ZNF668: variants seen among roughly 807,000 people sequenced by gnomAD.
ZNF668 encodes the protein zinc finger protein 668.
A neutral mutation model predicts 40.3 loss-of-function variants in ZNF668; 10 were observed. The observed-to-expected ratio is 0.25, with a 90% CI of 0.15 to 0.42. ZNF668 has a LOEUF of 0.42. ZNF668 is among the 10% of genes least tolerant of loss of function. The pLI is 1.00. For synonymous variants in ZNF668, 428 were observed against 384.6 expected (o/e 1.11, Z -1.32); for missense variants, 749 against 904.6 (o/e 0.83, Z 2.21).
At chr16:31,070,759 C>T (rs1223673551) in intron 1 of ZNF668, among the ~76,000 whole-genome samples, 1 of 151,954 alleles carries the variant, frequency 6.6e-6, no homozygotes, top group East Asian at 1.9e-4. Flanking sequence ...CCAGGCTGGT[C>T]TCGAACTCCT....
Position 31,064,265 on chromosome 16 carries a change from C to T in ZNF668, c.195G>A (p.Lys65=). 1 of 1,613,780 alleles carries T rather than the reference C, an allele frequency of 6.2e-7. No individual in the cohort carries two copies. Among genetic ancestry groups the T allele is most frequent in the Non-Finnish European group, 8.5e-7 (1 of 1,180,028 alleles). The change falls in exon 2 of 3, where the codon AAG becomes AAA. Residue 65 remains lysine, a synonymous_variant. Coordinates refer to ENST00000300849, the MANE Select transcript of ZNF668 (RefSeq NM_024706.5). ...CCTTCTCCCCACTGGCTTCCTCTGC[C>T]TTAGCTTCTGTCTCTGGCTTTGGCT... ...EVKPKPETEA[K]AEEASGEKVS...
In ZNF668 at chr16:31,061,635, C is replaced by T. The variant is rs748415040; in HGVS notation, c.1293G>A (p.Gly431=). The part of the protein sequence containing the change: ...GVPPAQELVV[G]LALPVGVAGE... Reference sequence around the variant, plus strand: ...CTGCCACGCCCACAGGCAGCGCCAACCCCACCACCAGCTCCTGTGCAGGGG... The same window carrying T: ...CTGCCACGCCCACAGGCAGCGCCAATCCCACCACCAGCTCCTGTGCAGGGG... Residue 431 remains glycine, a synonymous_variant, in exon 3 of 3, where the codon GGG becomes GGA. Transcript: ENST00000300849. The surrounding 1 kb of genome is among the most constrained non-coding windows in gnomAD (Gnocchi z 7.7). 1.9e-6 allele frequency: 3 copies of T among 1,612,120 alleles called. No individual in the cohort carries two copies. The highest frequency in any genetic ancestry group is 2.2e-5 in the South Asian group (2 of 91,072).
intron 2 of ZNF668, 119 bp downstream of exon 2, chr16:31,063,694 T>G (rs993405826): frequency 8.4e-7 from 1 of 1,189,266 alleles, no homozygotes; most frequent in Non-Finnish European, 1.1e-6. Context: ...CCCTTGGATC[T>G]GCCATGCCCA....
At position 31,064,548 on chromosome 16, in the gene ZNF668, C is replaced by A. The variant is rs557440975; in HGVS notation, c.-22-67G>T. On this transcript the variant is annotated intron_variant, in intron 1 of 2. Coordinates refer to ENST00000300849, the MANE Select transcript of ZNF668 (RefSeq NM_024706.5). ...CCACTCCTGAAAGCCTCAGAGAGAA[C>A]CCTATCTCATCTGCATTTCTCACCT... 2,936 of 1,593,804 alleles carry A rather than the reference C, an allele frequency of 1.8e-3. 5 individuals carry two copies. The highest frequency in any genetic ancestry group is 2.2e-3 in the Non-Finnish European group (2,578 of 1,177,554).
At chr16:31,062,355 T>G in intron 2 of ZNF668, 75 bp from the exon 3 acceptor site, 1 of 1,504,256 alleles carries the variant, frequency 6.6e-7, no homozygotes, top group Non-Finnish European at 8.8e-7. Flanking sequence ...TGGGCTGTAC[T>G]TTAGGGGCTC....
In ZNF668 at chr16:31,061,873, T is replaced by C; in HGVS notation, c.1055A>G (p.Lys352Arg). Residue 352 changes from lysine (K) to arginine (R), a missense_variant, in exon 3 of 3, where the codon AAG becomes AGG. Transcript: ENST00000300849. The surrounding 1 kb of genome is among the most constrained non-coding windows in gnomAD (Gnocchi z 7.7). ...DKTFVASWDL[K>R]RHALVHSGQR... ...GCCAGAGTGCACCAGCGCGTGCCGC[T>C]TGAGGTCCCAGGACGCCACGAACGT... The C allele has an allele frequency of 1.2e-6, 2 of 1,612,866 alleles. No individual in the cohort carries two copies. The highest frequency in any genetic ancestry group is 2.2e-5 in the South Asian group (2 of 91,022).
At chr16:31,072,001 A>T (rs1161457000) in intron 1 of ZNF668, among the ~76,000 whole-genome samples, 1 of 152,226 alleles carries the variant, frequency 6.6e-6, no homozygotes, top group Admixed American at 6.5e-5. Flanking sequence ...AGGCTGAATG[A>T]CGTCATAAGG....
At chr16:31,071,667 T>G (rs1224753202) in intron 1 of ZNF668, among the ~76,000 whole-genome samples, 6 of 152,134 alleles carry the variant, frequency 3.9e-5, no homozygotes, top group Admixed American at 1.3e-4. Flanking sequence ...CTGCCGACAG[T>G]GGTCTCAAGA....
At position 31,061,605 on chromosome 16, in the gene ZNF668, C is replaced by A. The variant is rs1438214845; in HGVS notation, c.1323G>T (p.Glu441Asp). Residue 441 changes from glutamate to aspartate, a missense_variant, in exon 3 of 3, where the codon GAG becomes GAT. Glu to Asp is a conservative substitution (Grantham distance 45). Transcript: ENST00000300849. This position sits in a 1 kb window ranked among gnomAD's most constrained non-coding sequence, Gnocchi z 7.7. ...CCCCTGCTGCCGGGGCGGCTGAACTCTCACCTGCCACGCCCACAGGCAGCG... is the reference window on the plus strand; with the variant it reads ...CCCCTGCTGCCGGGGCGGCTGAACTATCACCTGCCACGCCCACAGGCAGCG... ...GLALPVGVAG[E>D]SSAAPAAGAG... The A allele has an allele frequency of 1.9e-6, 3 of 1,609,842 alleles. No individual in the cohort carries two copies. The highest frequency in any genetic ancestry group is 2.7e-5 in the African/African-American group (2 of 74,938).
chr16:31,073,861 A>T lies in ZNF668; in HGVS notation c.-225T>A, dbSNP rs1416675759. 1 of 152,294 alleles carries T rather than the reference A, an allele frequency of 6.6e-6. No individual in the cohort carries two copies. The highest frequency in any genetic ancestry group is 2.1e-4 in the South Asian group (1 of 4,822). 9.4% of individuals were successfully genotyped at this position (152,294 alleles called of 1,614,324 possible). ...CGGGGAACCTCCAGCCTATGGCGGC[A>T]GAGAAGCATCTTGCAAGAGGTCTCT... On this transcript the variant is annotated 5_prime_UTR_variant, in exon 1 of 3. Transcript: ENST00000300849.
chr16:31,065,747 G>C (rs1037518559), intron 1 of ZNF668, among the ~76,000 whole-genome samples: 1 of 151,958 alleles, frequency 6.6e-6, no homozygotes, highest in East Asian at 1.9e-4. Context: ...CCAGCTACTC[G>C]GGAGGCTGAG....
intron 2 of ZNF668, among the ~76,000 whole-genome samples, chr16:31,063,269 A>C (rs2056949652): frequency 6.6e-6 from 1 of 151,918 alleles, no homozygotes; most frequent in Non-Finnish European, 1.5e-5. Context: ...AGTACCCGGG[A>C]CTAGAAGTGT....
intron 1 of ZNF668, chr16:31,066,387 T>C: frequency 1.0e-6 from 1 of 985,232 alleles, no homozygotes; most frequent in Non-Finnish European, 1.2e-6. Context: ...TTATTTCACT[T>C]TTCCCACTAA....
At position 31,073,948 on chromosome 16, in the gene ZNF668, CTG is replaced by C. The variant is rs2057041797; in HGVS notation, c.-314_-313del. On this transcript the variant is annotated 5_prime_UTR_variant, in exon 1 of 3. An upstream open reading frame in the 5' UTR loses its in-frame stop. Coordinates refer to ENST00000300849, the MANE Select transcript of ZNF668 (RefSeq NM_024706.5). The stretch of plus-strand genomic sequence containing the variant: ...CGGTATACGCCCGCCTTGTGTTAGT[CTG>C]GGGCCAGGTCACCGGCAATGTCTTC... 6.6e-6 allele frequency: 1 copy of C among 152,264 alleles called. No homozygotes were observed. Among genetic ancestry groups the C allele is most frequent in the Admixed American group, 6.5e-5 (1 of 15,286 alleles). The allele number at this position is 152,264 out of a possible 1,614,324, so 9.4% of individuals were successfully genotyped here.
intron 1 of ZNF668, chr16:31,065,952 C>A: frequency 1.1e-6 from 1 of 922,426 alleles, no homozygotes; most frequent in Non-Finnish European, 1.3e-6. Context: ...GGAAACTGAG[C>A]TGAGCCACGA....
chr16:31,066,386 T>A lies in ZNF668; in HGVS notation c.-22-1905A>T. 6 of 985,098 alleles carry A rather than the reference T, an allele frequency of 6.1e-6. No homozygotes were observed. In the South Asian group the frequency reaches 2.8e-4, roughly 46 times the overall value. The allele number at this position is 985,098 out of a possible 1,614,324, so 61.0% of individuals were successfully genotyped here. A position where few individuals can be genotyped will look rare whatever the true frequency, so the allele number is the denominator to read the frequency against. On this transcript the variant is annotated intron_variant, in intron 1 of 2. Coordinates refer to ENST00000300849, the MANE Select transcript of ZNF668 (RefSeq NM_024706.5). ...TCTTATTCTCACTTGGTTATTTCAC[T>A]TTTCCCACTAAATCCTAGGGCTTAG...
At chr16:31,063,154 C>T (rs570591344) in intron 2 of ZNF668, among the ~76,000 whole-genome samples, 7 of 152,180 alleles carry the variant, frequency 4.6e-5, no homozygotes, top group Admixed American at 4.6e-4. Flanking sequence ...ACGTGTCCTC[C>T]GCCTTTTTTT....
chr16:31,062,229 G>T lies in ZNF668; in HGVS notation c.699C>A (p.Phe233Leu). Reference sequence around the variant, plus strand: ...GGCACGTGAGCGAGGATGAGCGGGAGAAGCTCTTCCCGCACTCGGAGCAGA... The same window carrying T: ...GGCACGTGAGCGAGGATGAGCGGGATAAGCTCTTCCCGCACTCGGAGCAGA... ...PFLCSECGKS[F>L]SRSSSLTCHQ... The change falls in exon 3 of 3, where the codon TTC becomes TTA. Residue 233 changes from phenylalanine to leucine, a missense_variant. By Grantham distance (22) the Phe-to-Leu change is conservative. This residue lies in a region of ZNF668 where 129 missense variants were observed against 231.2 expected (regional missense o/e 0.56). Coordinates refer to ENST00000300849, the MANE Select transcript of ZNF668 (RefSeq NM_024706.5). The T allele has an allele frequency of 6.2e-7, 1 of 1,612,582 alleles. No individual in the cohort carries two copies. Among genetic ancestry groups the T allele is most frequent in the Non-Finnish European group, 8.5e-7 (1 of 1,179,308 alleles).
chr16:31,072,544 A>T (rs2057022794), intron 1 of ZNF668, among the ~76,000 whole-genome samples: 2 of 152,210 alleles, frequency 1.3e-5, no homozygotes, highest in Admixed American at 1.3e-4. Flanking sequence ...AATTTCCAAA[A>T]ATCCTAGGCT....
Sources: allele counts gnomAD v4.1 joint callset (sites outside exome capture counted in the v4.1 genomes callset), GRCh38; gene constraint gnomAD v4.1.1; regional missense constraint gnomAD v4.1.1; non-coding constraint Gnocchi (gnomAD v3.1); transcripts MANE v1.5; gene names NCBI Gene and HGNC (gene_info 2026-07-23, HGNC 2026-07-21).